The following HEATR4 variants were observed in gnomAD, a reference collection of about 807,000 sequenced individuals.
HEATR4 encodes HEAT repeat containing 4.
HEATR4 carries 95 observed loss-of-function variants against 108.8 expected under a neutral mutation model. That is an observed-to-expected ratio of 0.87 (90% CI 0.74 to 1.04). HEATR4 has a LOEUF of 1.04. Among genes scored for constraint, HEATR4 ranks in the 50% least tolerant of loss-of-function variants. HEATR4 has a pLI of 0.00. For missense variants in HEATR4, 1,152 were observed against 1,253.8 expected (o/e 0.92, Z 1.23); for synonymous variants, 443 against 459.4 (o/e 0.96, Z 0.46).
rs371127587 is a variant in HEATR4, at chr14:73,478,828, G to A, written c.2859C>T (p.Arg953=). 31 of 1,606,322 alleles carry A rather than the reference G, an allele frequency of 1.9e-5. No homozygotes were observed. The highest frequency in any genetic ancestry group is 8.1e-5 in the African/African-American group (6 of 74,482). ...TEAVIKPVKP[R]APNPWLQSSV... ...AACTTTGTAACCAGGGATTTGGTGCGCGGGGCTTCACAGGCTGCAGAGAAA... is the reference window on the plus strand; with the variant it reads ...AACTTTGTAACCAGGGATTTGGTGCACGGGGCTTCACAGGCTGCAGAGAAA... Residue 953 remains arginine, a synonymous_variant, in exon 18 of 18, where the codon CGC becomes CGT. Transcript: ENST00000553558.
At chr14:73,620,046 G>T in the HEATR4 span, among the ~76,000 whole-genome samples, 1 of 151,984 alleles carries the variant, frequency 6.6e-6, no homozygotes, top group East Asian at 1.9e-4. Flanking sequence ...CGAGTATCTG[G>T]GATTACAGGT....
chr14:73,597,319 C>T, the HEATR4 span, among the ~76,000 whole-genome samples: 2 of 150,984 alleles, frequency 1.3e-5, no homozygotes, highest in Admixed American at 6.6e-5. Flanking sequence ...CTCCTGACCT[C>T]GTGATCCACC....
the HEATR4 span, among the ~76,000 whole-genome samples, chr14:73,627,558 T>C: frequency 6.6e-6 from 1 of 152,152 alleles, no homozygotes; most frequent in Non-Finnish European, 1.5e-5. Context: ...CTATAAAGGA[T>C]ATTACAAGTG....
the HEATR4 span, among the ~76,000 whole-genome samples, chr14:73,629,098 C>T: frequency 1.3e-5 from 2 of 151,756 alleles, no homozygotes; most frequent in Admixed American, 6.6e-5. Context: ...CACAGCCACA[C>T]CAACCTTCTG....
At chr14:73,569,932 T>A in the HEATR4 span, 1 of 1,563,650 alleles carries the variant, frequency 6.4e-7, no homozygotes, top group African/African-American at 1.4e-5. Context: ...TTTCACTTTG[T>A]GTGTCTCCCC....
At chr14:73,626,261 G>A in the HEATR4 span, among the ~76,000 whole-genome samples, 1 of 151,960 alleles carries the variant, frequency 6.6e-6, no homozygotes, top group South Asian at 2.1e-4. Flanking sequence ...AATAATAGCT[G>A]ATGAGCTTTA....
At chr14:73,560,661 CAAAA>C (rs11448429), upstream of HEATR4, among the ~76,000 whole-genome samples, 2 of 120,820 alleles carry the variant, frequency 1.7e-5, no homozygotes, top group Admixed American at 8.5e-5. Flanking sequence ...GACTCCATCT[CAAAA>C]AAAAAAAAAA....
In HEATR4 at chr14:73,478,544, A is replaced by T; in HGVS notation, c.*62T>A. On this transcript the variant is annotated 3_prime_UTR_variant, in exon 18 of 18. Transcript: ENST00000553558. ...CAACAAGATTGTACAGTATCAATTAAAAAGACCCAATGTGACCAGGTCCAC... is the reference window on the plus strand; with the variant it reads ...CAACAAGATTGTACAGTATCAATTATAAAGACCCAATGTGACCAGGTCCAC... The T allele has an allele frequency of 9.2e-7, 1 of 1,087,084 alleles. No homozygotes were observed. The highest frequency in any genetic ancestry group is 1.4e-6 in the Non-Finnish European group (1 of 721,308). The allele number at this position is 1,087,084 out of a possible 1,614,324, so 67.3% of individuals were successfully genotyped here.
rs781603341 is a variant in HEATR4, at chr14:73,522,839, G to A, written c.314C>T (p.Thr105Ile). ...AGGCCGGGCCTTCCTGATCTGGGGA[G>A]TATGGATGATGTCATTGGTATTGTA... ...HLYNTNDIIH[T>I]PQIRKARPQK... The change falls in exon 3 of 18, where the codon ACT becomes ATT. Residue 105 changes from threonine (T) to isoleucine (I), a missense_variant. Physicochemically the swap from Thr to Ile is moderately conservative, Grantham distance 89. Coordinates refer to ENST00000553558, the MANE Select transcript of HEATR4 (RefSeq NM_001220484.1). 1.9e-6 allele frequency: 3 copies of A among 1,614,224 alleles called. No homozygotes were observed. Among genetic ancestry groups the A allele is most frequent in the Non-Finnish European group, 1.7e-6 (2 of 1,180,036 alleles).
the HEATR4 span, among the ~76,000 whole-genome samples, chr14:73,621,043 G>A: frequency 6.6e-6 from 1 of 151,802 alleles, no homozygotes; most frequent in East Asian, 2.0e-4. Flanking sequence ...GAAACCTAGT[G>A]TCTACTAAAA....
At chr14:73,507,116 T>TTTA (rs1595107554) in intron 9 of HEATR4, among the ~76,000 whole-genome samples, 1 of 152,260 alleles carries the variant, frequency 6.6e-6, no homozygotes, top group African/African-American at 2.4e-5. Context: ...TGTCTTTAAC[T>TTTA]GTTTTTACCC....
chr14:73,625,039 G>A, the HEATR4 span, among the ~76,000 whole-genome samples: 62 of 151,824 alleles, frequency 4.1e-4, 1 homozygote, highest in African/African-American at 1.1e-3. Context: ...ACAATATTAC[G>A]GTCTTTTCAT....
At chr14:73,512,965 A>G (rs977422697) in intron 6 of HEATR4, among the ~76,000 whole-genome samples, 2 of 152,212 alleles carry the variant, frequency 1.3e-5, no homozygotes, top group South Asian at 4.1e-4. Context: ...TTGCCAGGCC[A>G]TTACTTTGTC....
intron 17 of HEATR4, chr14:73,491,035 C>T (rs1226868426): frequency 6.4e-7 from 1 of 1,560,958 alleles, no homozygotes; most frequent in Non-Finnish European, 8.7e-7. Context: ...GGCTCCAGGC[C>T]AGTGCAGGGC....
At chr14:73,591,228 CAGAG>C in the HEATR4 span, among the ~76,000 whole-genome samples, 16,690 of 151,962 alleles carry the variant, frequency 0.11, 1,364 homozygotes, top group African/African-American at 0.22. Flanking sequence ...GCCTGGATGA[CAGAG>C]AGAGACCCTG....
At chr14:73,491,752 T>C (rs745415083) in intron 17 of HEATR4, 10 of 1,559,818 alleles carry the variant, frequency 6.4e-6, no homozygotes, top group Non-Finnish European at 7.8e-6. Flanking sequence ...TCTCTACCGC[T>C]GACCTGGATT....
intron 5 of HEATR4, 29 bp downstream of exon 5, chr14:73,518,994 C>A (rs747447670): frequency 1.3e-6 from 2 of 1,597,036 alleles, no homozygotes; most frequent in Non-Finnish European, 1.7e-6. Flanking sequence ...GTTATTAACC[C>A]CTGCCTTCCC....
the HEATR4 span, chr14:73,620,031 A>C: frequency 0.75 from 411,430 of 550,200 alleles, 155,717 homozygotes; most frequent in East Asian, 0.96. Flanking sequence ...CCGACCTCAG[A>C]CTCCCGAGTA....
the HEATR4 span, chr14:73,569,549 G>A: frequency 6.2e-7 from 1 of 1,603,952 alleles, no homozygotes; most frequent in Admixed American, 1.7e-5. Context: ...TGCGCGACGA[G>A]AAGGGCGCGC....
Sources: gnomAD v4.1 joint callset for allele counts (sites outside exome capture counted in the v4.1 genomes callset) on GRCh38, gnomAD v4.1.1 for gene constraint, MANE v1.5 for transcripts, NCBI Gene and HGNC (gene_info 2026-07-23, HGNC 2026-07-21) for gene names.